ADGRL4: variants seen among roughly 807,000 people sequenced by gnomAD.
ADGRL4 encodes the protein EGF, latrophilin and seven transmembrane domain containing 1.
A neutral mutation model predicts 74.8 loss-of-function variants in ADGRL4; 90 were observed. The observed-to-expected ratio is 1.20, with a 90% CI of 1.02 to 1.43. ADGRL4 has a LOEUF of 1.43. ADGRL4 is among the 40% of genes most tolerant of loss of function. The probability of loss-of-function intolerance (pLI) is 0.00; values close to 1 mark genes in which losing one functional copy is unlikely to be tolerated. For missense variants in ADGRL4, 881 were observed against 814.3 expected, an observed-to-expected ratio of 1.08 and a Z score of -1.00; for synonymous variants, 311 against 279.2, an observed-to-expected ratio of 1.11 and a Z score of -1.14.
At chr1:78,921,560 A>G (rs558309237) in intron 9 of ADGRL4, 53 bp downstream of exon 9, 111 of 1,192,516 alleles carry the variant, frequency 9.3e-5, no homozygotes, top group South Asian at 6.9e-4. Context: ...AATGATGCGG[A>G]AAAAAAACAG....
chr1:78,989,334 A>G (rs1290032183), intron 2 of ADGRL4, among the ~76,000 whole-genome samples: 1 of 151,844 alleles, frequency 6.6e-6, no homozygotes, highest in Non-Finnish European at 1.5e-5. Context: ...TAGTTCACAG[A>G]TTGTCTTTGT....
intron 12 of ADGRL4, among the ~76,000 whole-genome samples, chr1:78,915,905 G>T (rs149738624): frequency 6.6e-6 from 1 of 151,742 alleles, no homozygotes; most frequent in African/African-American, 2.4e-5. Context: ...TTTAAAAAAG[G>T]TATTATAAAA....
intron 2 of ADGRL4, among the ~76,000 whole-genome samples, chr1:78,954,828 C>A (rs1010590640): frequency 6.6e-6 from 1 of 152,054 alleles, no homozygotes; most frequent in Non-Finnish European, 1.5e-5. Flanking sequence ...GGGAACTAGA[C>A]AAACGTGCAA....
intron 7 of ADGRL4, among the ~76,000 whole-genome samples, chr1:78,934,234 T>G (rs886208858): frequency 2.0e-5 from 3 of 151,486 alleles, no homozygotes; most frequent in Admixed American, 6.6e-5. Context: ...AACAGAGACC[T>G]CAGAAATAAC....
intron 2 of ADGRL4, among the ~76,000 whole-genome samples, chr1:78,949,635 A>C (rs918515701): frequency 3.9e-5 from 6 of 152,160 alleles, no homozygotes; most frequent in Non-Finnish European, 7.4e-5. Flanking sequence ...CCAACTTCAT[A>C]ATAATTAATC....
intron 3 of ADGRL4, 149 bp from the exon 4 acceptor site, chr1:78,939,407 G>T: frequency 1.1e-6 from 1 of 917,452 alleles, no homozygotes. Context: ...TTTAGAATGT[G>T]CAATATTTTA....
chr1:78,968,184 C>T (rs1345507983), intron 2 of ADGRL4, among the ~76,000 whole-genome samples: 3 of 152,048 alleles, frequency 2.0e-5, no homozygotes, highest in Non-Finnish European at 4.4e-5. Flanking sequence ...TATGATGTCA[C>T]TGTAAGCTAC....
At chr1:79,004,469 A>G (rs564967163) in intron 2 of ADGRL4, among the ~76,000 whole-genome samples, 72 of 152,216 alleles carry the variant, frequency 4.7e-4, no homozygotes, top group Admixed American at 9.2e-4. Flanking sequence ...GCTAAACTGC[A>G]CCCTACAAGG....
chr1:78,959,390 A>T (rs1649898033), intron 2 of ADGRL4, among the ~76,000 whole-genome samples: 1 of 152,242 alleles, frequency 6.6e-6, no homozygotes, highest in Non-Finnish European at 1.5e-5. Flanking sequence ...GGCAGTGATT[A>T]ATAAGTAGGC....
At chr1:78,956,285 T>G (rs1176297706) in intron 2 of ADGRL4, among the ~76,000 whole-genome samples, 1 of 152,202 alleles carries the variant, frequency 6.6e-6, no homozygotes, top group Non-Finnish European at 1.5e-5. Context: ...GTTTAAGCTG[T>G]CGGATACATG....
intron 2 of ADGRL4, among the ~76,000 whole-genome samples, chr1:78,991,870 C>T (rs1650614568): frequency 6.6e-6 from 1 of 151,934 alleles, no homozygotes; most frequent in South Asian, 2.1e-4. Flanking sequence ...AATATGGTTC[C>T]AAGTATGTAT....
intron 9 of ADGRL4, among the ~76,000 whole-genome samples, chr1:78,920,735 CAG>C (rs1231102077): frequency 2.0e-5 from 3 of 151,784 alleles, no homozygotes; most frequent in Non-Finnish European, 4.4e-5. Context: ...TTAATTAAAA[CAG>C]ATTTATCAGT....
chr1:79,006,265 C>T (rs1396215991), intron 1 of ADGRL4, among the ~76,000 whole-genome samples: 3 of 152,178 alleles, frequency 2.0e-5, no homozygotes, highest in Admixed American at 6.5e-5. Context: ...TATCTTTCTG[C>T]ACAGTATGTT....
Position 78,936,307 on chromosome 1 carries a change from A to G in ADGRL4, c.865T>C (p.Tyr289His). 1 of 1,594,664 alleles carries G rather than the reference A, an allele frequency of 6.3e-7. No individual in the cohort carries two copies. The highest frequency in any genetic ancestry group is 8.5e-7 in the Non-Finnish European group (1 of 1,172,942). The change falls in exon 7 of 15, where the codon TAT becomes CAT. Residue 289 changes from tyrosine to histidine, a missense_variant. By Grantham distance (83) the Tyr-to-His change is moderately conservative. Coordinates refer to ENST00000370742, the MANE Select transcript of ADGRL4 (RefSeq NM_022159.4). ...GTTAAAGTCCTACCATTTGAATCAT[A>G]TGCAGCTTTTCTCTTTGGAAATATA... is the stretch of plus-strand genomic sequence containing the variant. The part of the protein sequence containing the change: ...INIFPKRKAA[Y>H]DSNGNVAVAF...
intron 2 of ADGRL4, among the ~76,000 whole-genome samples, chr1:78,992,237 TTCTG>T (rs1650621213): frequency 6.6e-6 from 1 of 152,080 alleles, no homozygotes; most frequent in African/African-American, 2.4e-5. Context: ...ACAGTTAACA[TTCTG>T]TCTTTCGGCA....
At position 78,920,213 on chromosome 1, in the gene ADGRL4, A is replaced by T. The variant is rs1462713110; in HGVS notation, c.1431T>A (p.Phe477Leu). Residue 477 changes from phenylalanine to leucine, a missense_variant, in exon 10 of 15, where the codon TTT (phenylalanine) becomes TTA (leucine). Transcript: ENST00000370742. ...TAGTATTTGTATTGATCCCAACAAG[A>T]AAAACAAGTTCAGCAAGAAATAGGC... ...CCSLFLAELV[F>L]LVGINTNTNK... 6.2e-7 allele frequency: 1 copy of T among 1,611,668 alleles called. No homozygotes were observed. The highest frequency in any genetic ancestry group is 8.5e-7 in the Non-Finnish European group (1 of 1,178,672).
chr1:78,937,696 T>C, intron 6 of ADGRL4, 111 bp downstream of exon 6: 1 of 913,900 alleles, frequency 1.1e-6, no homozygotes, highest in Non-Finnish European at 1.7e-6. Context: ...AAAACTACTT[T>C]CAATGTAATC....
Position 78,890,364 on chromosome 1 carries a change from C to G in ADGRL4, c.*790G>C, listed in dbSNP as rs887187994. 2.2e-4 allele frequency: 34 copies of G among 151,668 alleles called. No individual in the cohort carries two copies. The highest frequency in any genetic ancestry group is 8.2e-4 in the African/African-American group (34 of 41,298). 9.4% of individuals were successfully genotyped at this position (151,668 alleles called of 1,614,324 possible). ...GTATAAACAATATTATATCTTGACA[C>G]ATTTATATTTTACTGATTAACTATC... On this transcript the variant is annotated 3_prime_UTR_variant, in exon 15 of 15. Transcript: ENST00000370742.
rs191124519 is a variant in ADGRL4 at position 78,958,084 on chromosome 1, T to C, written c.173-11658A>G. 2.0e-5 allele frequency among the ~76,000 whole-genome samples: 3 copies of C among 152,062 alleles called. No homozygotes were observed. The East Asian group carries it at 5.8e-4, about 29-fold the overall frequency. On this transcript the variant is annotated intron_variant, in intron 2 of 14. Transcript: ENST00000370742. ...TTTACCGAATACGTTAAGCCCATTG[T>C]TAAAAAAATAAAACAGTGGGCCTAC...
Sources: gnomAD v4.1 joint callset for allele counts (sites outside exome capture counted in the v4.1 genomes callset) on GRCh38, gnomAD v4.1.1 for gene constraint, MANE v1.5 for transcripts, NCBI Gene and HGNC (gene_info 2026-07-23, HGNC 2026-07-21) for gene names.